C1QTNF2: variants seen among roughly 807,000 people sequenced by gnomAD.
C1QTNF2 encodes C1q and TNF related 2, also known as complement C1q tumor necrosis factor-related protein 2.
A neutral mutation model predicts 17.4 loss-of-function variants in C1QTNF2; 15 were observed. That is an observed-to-expected ratio of 0.86 (90% CI 0.58 to 1.33). The LOEUF is 1.33. Ranked by LOEUF, C1QTNF2 falls within the 40% of genes most tolerant of loss-of-function variation. The pLI is 0.00. For synonymous variants in C1QTNF2, 154 were observed against 163.3 expected (o/e 0.94, Z 0.44); for missense variants, 381 against 392.3 (o/e 0.97, Z 0.24).
intron 2 of C1QTNF2, among the ~76,000 whole-genome samples, 169 bp downstream of exon 2, chr5:160,354,599 T>TAAAA (rs1561822860): frequency 2.8e-4 from 1 of 3,636 alleles, no homozygotes; most frequent in African/African-American, 6.6e-4. Flanking sequence ...AAAAAAAAAG[T>TAAAA]ATATATATAT....
chr5:160,349,148 G>T lies in C1QTNF2; in HGVS notation c.*20C>A. The T allele has an allele frequency of 6.3e-7, 1 of 1,591,904 alleles. No individual in the cohort carries two copies. Among genetic ancestry groups the T allele is most frequent in the Non-Finnish European group, 8.6e-7 (1 of 1,167,448 alleles). On this transcript the variant is annotated 3_prime_UTR_variant, in exon 3 of 3. Transcript: ENST00000652664. This position sits in a 1 kb window ranked among gnomAD's most constrained non-coding sequence, Gnocchi z 4.3. ...AAGTCCAGAAGCTTGTTCCCTGCCT[G>T]GAGGACCGCCGTGGCATGTCTATAC...
chr5:160,356,390 G>C (rs1764051314), intron 1 of C1QTNF2, among the ~76,000 whole-genome samples: 1 of 152,206 alleles, frequency 6.6e-6, no homozygotes, highest in African/African-American at 2.4e-5. Context: ...CTCACCTCGA[G>C]GGCTTGTTAG....
At chr5:160,363,841 A>G (rs1764198669) in intron 1 of C1QTNF2, among the ~76,000 whole-genome samples, 2 of 152,146 alleles carry the variant, frequency 1.3e-5, no homozygotes, top group Non-Finnish European at 2.9e-5. Flanking sequence ...CATGGGAGAG[A>G]AGAATGCAGC....
chr5:160,351,369 T>A (rs1174929731), intron 2 of C1QTNF2, among the ~76,000 whole-genome samples: 1 of 152,230 alleles, frequency 6.6e-6, no homozygotes, highest in African/African-American at 2.4e-5. Flanking sequence ...ATGAACTGGG[T>A]CAAGGAAGTA....
chr5:160,363,789 T>A (rs910496478), intron 1 of C1QTNF2, among the ~76,000 whole-genome samples: 45 of 152,180 alleles, frequency 3.0e-4, no homozygotes, highest in African/African-American at 8.9e-4. Flanking sequence ...AGCTTTGGCA[T>A]TGTCTGCAGC....
rs1173906082 is a variant in C1QTNF2 at position 160,354,611 on chromosome 5, T to G, written c.244+157A>C. On this transcript the variant is annotated intron_variant, in intron 2 of 2. Transcript: ENST00000652664. ...AAAAAAAAAAAAGTATATATATATA[T>G]ATATATATATATATATATATATAGA... Among the ~76,000 whole-genome samples, 24 of 134,086 alleles carry G rather than the reference T, an allele frequency of 1.8e-4. 2 individuals carry two copies. The highest frequency in any genetic ancestry group is 6.4e-4 in the African/African-American group (22 of 34,618). The allele number at this position is 134,086 out of a possible 152,430, so 88.0% of individuals were successfully genotyped here.
intron 1 of C1QTNF2, among the ~76,000 whole-genome samples, chr5:160,359,386 T>A (rs558376268): frequency 6.6e-6 from 1 of 152,194 alleles, no homozygotes; most frequent in Non-Finnish European, 1.5e-5. Context: ...GAAGTTATAT[T>A]TGAACTTGGG....
In C1QTNF2 at chr5:160,357,256, T is replaced by C. The variant is rs577083121; in HGVS notation, c.-9-2236A>G. Among the ~76,000 whole-genome samples the C allele has an allele frequency of 1.4e-3, 207 of 152,100 alleles. 1 individual carries two copies. Among genetic ancestry groups the C allele is most frequent in the African/African-American group, 4.8e-3 (200 of 41,478 alleles). ...TCTCACCTTCGAATGGAAATTGAGGTGTGGGTTGCCTGGGAGTGGAGACTT... is the reference window on the plus strand; with the variant it reads ...TCTCACCTTCGAATGGAAATTGAGGCGTGGGTTGCCTGGGAGTGGAGACTT... On this transcript the variant is annotated intron_variant, in intron 1 of 2. Transcript: ENST00000652664.
At chr5:160,367,093 G>C (rs368260349) in intron 1 of C1QTNF2, among the ~76,000 whole-genome samples, 159 of 152,088 alleles carry the variant, frequency 1.0e-3, no homozygotes, top group African/African-American at 3.3e-3. Context: ...AAAAGCTATG[G>C]AACATGCCCC....
Position 160,354,596 on chromosome 5 carries a change from AAGTATATATATAT to A in C1QTNF2, c.244+159_244+171del, listed in dbSNP as rs1241443602. 2.5e-3 allele frequency among the ~76,000 whole-genome samples: 126 copies of A among 49,880 alleles called. 2 individuals carry two copies. The highest frequency in any genetic ancestry group is 9.1e-3 in the Middle Eastern group (1 of 110). 32.7% of individuals were successfully genotyped at this position (49,880 alleles called of 152,430 possible). A position where few individuals can be genotyped will look rare whatever the true frequency, so the allele number is the denominator to read the frequency against. On this transcript the variant is annotated intron_variant, in intron 2 of 2. Coordinates refer to ENST00000652664, the MANE Select transcript of C1QTNF2 (RefSeq NM_031908.6). ...TCTGTCTCAAGGGGAAAAAAAAAAA[AAGTATATATATAT>A]ATATATATATATATATATATATATA... is the stretch of plus-strand genomic sequence containing the variant.
intron 2 of C1QTNF2, among the ~76,000 whole-genome samples, chr5:160,353,111 C>A (rs568244922): frequency 2.4e-4 from 37 of 152,136 alleles, no homozygotes; most frequent in Non-Finnish European, 4.7e-4. Context: ...TTGCTATCAA[C>A]TGAATCACTC....
At chr5:160,368,617 G>A (rs1421323883) in intron 1 of C1QTNF2, among the ~76,000 whole-genome samples, 1 of 152,006 alleles carries the variant, frequency 6.6e-6, no homozygotes, top group African/African-American at 2.4e-5. Context: ...TCATCTCACA[G>A]AGGTAAATTA....
chr5:160,350,302 T>C (rs1050777174), intron 2 of C1QTNF2, among the ~76,000 whole-genome samples: 4 of 152,052 alleles, frequency 2.6e-5, no homozygotes, highest in Non-Finnish European at 5.9e-5. Flanking sequence ...ATCTATACTG[T>C]GGATTTCTAT....
chr5:160,354,593 A>ATATAT (rs1763992409), intron 2 of C1QTNF2, among the ~76,000 whole-genome samples, 175 bp downstream of exon 2: 3 of 30,550 alleles, frequency 9.8e-5, no homozygotes, highest in East Asian at 5.2e-4. Flanking sequence ...GGAAAAAAAA[A>ATATAT]AAAAGTATAT....
chr5:160,369,555 G>A (rs17057740), intron 1 of C1QTNF2, among the ~76,000 whole-genome samples: 1 of 152,172 alleles, frequency 6.6e-6, no homozygotes, highest in African/African-American at 2.4e-5. Flanking sequence ...AGTGCTAACT[G>A]AGCACCAGCC....
chr5:160,357,498 C>T (rs1365420082), intron 1 of C1QTNF2, among the ~76,000 whole-genome samples: 1 of 151,974 alleles, frequency 6.6e-6, no homozygotes, highest in Non-Finnish European at 1.5e-5. Context: ...AGACACTCCC[C>T]AGGCCCTGTG....
chr5:160,363,801 G>A lies in C1QTNF2; in HGVS notation c.-10+6711C>T, dbSNP rs555171415. Among the ~76,000 whole-genome samples, 285 of 152,330 alleles carry A rather than the reference G, an allele frequency of 1.9e-3. 1 individual carries two copies. The highest frequency in any genetic ancestry group is 3.1e-3 in the Non-Finnish European group (212 of 68,028). On this transcript the variant is annotated intron_variant, in intron 1 of 2. Coordinates refer to ENST00000652664, the MANE Select transcript of C1QTNF2 (RefSeq NM_031908.6). ...TCAAGCTTTGGCATTGTCTGCAGCT[G>A]TTTTCTGCCACGTGGAGACCAAGGA...
At chr5:160,369,553 C>A (rs1048017170) in intron 1 of C1QTNF2, among the ~76,000 whole-genome samples, 2 of 152,212 alleles carry the variant, frequency 1.3e-5, no homozygotes, top group African/African-American at 4.8e-5. Context: ...ACAGTGCTAA[C>A]TGAGCACCAG....
Position 160,349,915 on chromosome 5 carries a change from A to T in C1QTNF2, c.245-134T>A. 9.7e-7 allele frequency: 1 copy of T among 1,035,090 alleles called. No homozygotes were observed. Among genetic ancestry groups the T allele is most frequent in the Non-Finnish European group, 1.3e-6 (1 of 747,120 alleles). The allele number at this position is 1,035,090 out of a possible 1,614,324, so 64.1% of individuals were successfully genotyped here. On this transcript the variant is annotated intron_variant, in intron 2 of 2. Coordinates refer to ENST00000652664, the MANE Select transcript of C1QTNF2 (RefSeq NM_031908.6). This position sits in a 1 kb window ranked among gnomAD's most constrained non-coding sequence, Gnocchi z 4.3. Reference sequence around the variant, plus strand: ...AAGAACAAGAAGGCTTTGCAGACATATAGAAGTGGGTGTAAATCCTAATGC... The same window carrying T: ...AAGAACAAGAAGGCTTTGCAGACATTTAGAAGTGGGTGTAAATCCTAATGC...
Sources: allele counts gnomAD v4.1 joint callset (sites outside exome capture counted in the v4.1 genomes callset), GRCh38; gene constraint gnomAD v4.1.1; non-coding constraint Gnocchi (gnomAD v3.1); transcripts MANE v1.5; gene names NCBI Gene and HGNC (gene_info 2026-07-23, HGNC 2026-07-21).